The following NR2F1-AS1 variants were observed in gnomAD, a reference collection of about 807,000 sequenced individuals.
NR2F1-AS1 encodes NR2F1 regulatory antisense RNA 1, also known as NR2F1 antisense RNA 1.
At chr5:93,532,209 C>T (rs1561486462) in intron 4 of NR2F1-AS1, among the ~76,000 whole-genome samples, 2 of 152,060 alleles carry the variant, frequency 1.3e-5, no homozygotes, top group Non-Finnish European at 2.9e-5. Context: ...TTTTAACATA[C>T]TTACTGTTTT....
intron 2 of NR2F1-AS1, among the ~76,000 whole-genome samples, chr5:93,555,601 A>C (rs1403617020): frequency 6.6e-6 from 1 of 152,196 alleles, no homozygotes; most frequent in East Asian, 1.9e-4. Context: ...CAGCAGTATG[A>C]AAGATGGGAG....
At chr5:93,450,529 T>A (rs928180737) in intron 4 of NR2F1-AS1, among the ~76,000 whole-genome samples, 2 of 152,166 alleles carry the variant, frequency 1.3e-5, no homozygotes, top group African/African-American at 4.8e-5. Flanking sequence ...ACATTTCTTA[T>A]AACTATAGGG....
chr5:93,502,142 C>G (rs546161690), intron 4 of NR2F1-AS1, among the ~76,000 whole-genome samples: 2 of 152,206 alleles, frequency 1.3e-5, no homozygotes, highest in Non-Finnish European at 2.9e-5. Context: ...AAATAGACTG[C>G]AGTATAGTGT....
At chr5:93,581,521 G>A (rs1035868217), upstream of NR2F1-AS1, among the ~76,000 whole-genome samples, 2 of 152,104 alleles carry the variant, frequency 1.3e-5, no homozygotes, top group East Asian at 2.0e-4. Context: ...GGAGGGACTC[G>A]GCTGTGTGCC....
chr5:93,556,880 T>C (rs1752369058), intron 2 of NR2F1-AS1, among the ~76,000 whole-genome samples: 4 of 152,180 alleles, frequency 2.6e-5, no homozygotes, highest in South Asian at 2.1e-4. Flanking sequence ...TATTTTGTTA[T>C]AGCCACCATA....
chr5:93,411,160 T>A (rs1441704967), intron 4 of NR2F1-AS1: 1 of 152,216 alleles, frequency 6.6e-6, no homozygotes, highest in Non-Finnish European at 1.5e-5. Flanking sequence ...CCCTATTTTG[T>A]GCAGTGGTTC....
intron 2 of NR2F1-AS1, among the ~76,000 whole-genome samples, chr5:93,559,579 C>T (rs1258371888): frequency 1.3e-5 from 2 of 152,226 alleles, no homozygotes; most frequent in African/African-American, 4.8e-5. Flanking sequence ...TAAGCTTAAT[C>T]ATTTCTAGCT....
At chr5:93,519,824 T>C (rs558228801) in intron 4 of NR2F1-AS1, among the ~76,000 whole-genome samples, 21 of 152,158 alleles carry the variant, frequency 1.4e-4, no homozygotes, top group African/African-American at 4.3e-4. Flanking sequence ...AAATACAATA[T>C]ACTGTGTTTG....
chr5:93,445,510 C>T (rs1448927849), intron 4 of NR2F1-AS1, among the ~76,000 whole-genome samples: 11 of 152,068 alleles, frequency 7.2e-5, no homozygotes, highest in Non-Finnish European at 1.2e-4. Flanking sequence ...GAAGTTGAAT[C>T]CCTGAATAGA....
At chr5:93,482,565 T>TA (rs1466427767) in intron 4 of NR2F1-AS1, among the ~76,000 whole-genome samples, 4 of 152,048 alleles carry the variant, frequency 2.6e-5, no homozygotes, top group East Asian at 1.9e-4. Flanking sequence ...GTTTTTTTTT[T>TA]ATACCCCAGT....
intron 4 of NR2F1-AS1, among the ~76,000 whole-genome samples, chr5:93,521,220 A>G (rs1465775198): frequency 2.6e-5 from 4 of 152,206 alleles, no homozygotes; most frequent in African/African-American, 9.6e-5. Flanking sequence ...AAATCAACCC[A>G]AGATGGATTA....
intron 4 of NR2F1-AS1, among the ~76,000 whole-genome samples, chr5:93,478,486 C>G (rs1750533851): frequency 6.6e-6 from 1 of 152,152 alleles, no homozygotes. Flanking sequence ...TCACTGCAAC[C>G]TTCGCATCCC....
At chr5:93,510,909 T>C (rs1292108596) in intron 4 of NR2F1-AS1, among the ~76,000 whole-genome samples, 1 of 152,204 alleles carries the variant, frequency 6.6e-6, no homozygotes, top group Non-Finnish European at 1.5e-5. Flanking sequence ...TGTTATTACA[T>C]AATAAGGCTT....
intron 4 of NR2F1-AS1, among the ~76,000 whole-genome samples, chr5:93,439,356 C>T (rs1031839562): frequency 6.6e-6 from 1 of 152,178 alleles, no homozygotes; most frequent in Non-Finnish European, 1.5e-5. Context: ...TGGAGTGGCG[C>T]GATCTCGGCT....
chr5:93,466,850 G>C (rs1243832833), intron 4 of NR2F1-AS1, among the ~76,000 whole-genome samples: 2 of 142,270 alleles, frequency 1.4e-5, no homozygotes, highest in African/African-American at 5.2e-5. Flanking sequence ...TGAATGCTTT[G>C]GGGCTTCATC....
chr5:93,458,615 A>C (rs958798681), intron 4 of NR2F1-AS1, among the ~76,000 whole-genome samples: 4 of 152,188 alleles, frequency 2.6e-5, no homozygotes, highest in African/African-American at 9.6e-5. Context: ...CTTAGAGTTA[A>C]ATTCTAATAA....
chr5:93,581,720 CT>C (rs1205063800), upstream of NR2F1-AS1, among the ~76,000 whole-genome samples: 6 of 69,464 alleles, frequency 8.6e-5, no homozygotes, highest in African/African-American at 4.7e-4. Context: ...CTCTCTCTCT[CT>C]CTCTCTCTCT....
intron 4 of NR2F1-AS1, among the ~76,000 whole-genome samples, chr5:93,496,599 C>G (rs1358159828): frequency 6.6e-6 from 1 of 152,148 alleles, no homozygotes; most frequent in Admixed American, 6.6e-5. Flanking sequence ...TTTTCTACAT[C>G]TATTTGTTCA....
chr5:93,532,959 A>AC (rs1317320819), intron 4 of NR2F1-AS1, among the ~76,000 whole-genome samples: 1 of 152,218 alleles, frequency 6.6e-6, no homozygotes, highest in African/African-American at 2.4e-5. Flanking sequence ...GTTAATCTCA[A>AC]CTATTACACT....
Sources: allele counts gnomAD v4.1 joint callset (sites outside exome capture counted in the v4.1 genomes callset), GRCh38; gene constraint gnomAD v4.1.1; transcripts MANE v1.5; gene names NCBI Gene and HGNC (gene_info 2026-07-23, HGNC 2026-07-21).